CUX1: variants seen among roughly 807,000 people sequenced by gnomAD.
CUX1 encodes protein CASP.
Under a neutral mutation model 158.8 loss-of-function variants are expected in CUX1, and 31 were observed. That is an observed-to-expected ratio of 0.20 (90% confidence interval 0.15 to 0.26). The LOEUF is 0.26. CUX1 is among the 10% of genes least tolerant of loss of function. The pLI is 1.00. For synonymous variants in CUX1, 879 were observed against 862.1 expected (o/e 1.02, Z -0.34); for missense variants, 1,589 against 2,014.6 (o/e 0.79, Z 4.04).
chr7:102,201,554 A>C lies in CUX1; in HGVS notation c.2257A>C (p.Thr753Pro). The C allele has an allele frequency of 6.2e-7, 1 of 1,614,024 alleles. No homozygotes were observed. Among genetic ancestry groups the C allele is most frequent in the South Asian group, 1.1e-5 (1 of 91,074 alleles). The change falls in exon 18 of 24, where the codon ACC becomes CCC. Residue 753 changes from threonine (T) to proline (P), a missense_variant. Physicochemically the swap from Thr to Pro is conservative, Grantham distance 38 (BLOSUM62 -1). Around this residue, in one of 8 missense-constraint regions of CUX1, gnomAD observed 337 missense variants for 409.3 expected, o/e 0.82. Coordinates refer to ENST00000292535, the MANE Select transcript of CUX1 (RefSeq NM_181552.4). The surrounding 1 kb of genome is among the most constrained non-coding windows in gnomAD (Gnocchi z 5.0). The stretch of plus-strand genomic sequence containing the variant: ...GCTTCTGTCCACCTCGCCCATGCCC[A>C]CCGTGTCCAGCTACCCACCTCTCGC... ...PKLLSTSPMP[T>P]VSSYPPLAIS...
intron 8 of CUX1, chr7:102,154,385 G>GGATCGC (rs1836016571): frequency 6.6e-6 from 1 of 152,214 alleles, no homozygotes; most frequent in Non-Finnish European, 1.5e-5. Context: ...TGAGGTGGGA[G>GGATCGC]GATCGCTTGA....
chr7:101,838,540 G>A (rs773685918), intron 1 of CUX1, among the ~76,000 whole-genome samples: 2 of 151,202 alleles, frequency 1.3e-5, no homozygotes, highest in Admixed American at 6.6e-5. Context: ...GGTAGCTCAC[G>A]CCTGTTATCC....
At chr7:102,038,457 G>C (rs1196245133) in intron 3 of CUX1, among the ~76,000 whole-genome samples, 1 of 152,202 alleles carries the variant, frequency 6.6e-6, no homozygotes, top group Non-Finnish European at 1.5e-5. Flanking sequence ...ATGAAAAGAT[G>C]TCTAGGTTGC....
intron 1 of CUX1, among the ~76,000 whole-genome samples, chr7:101,906,773 G>A (rs1485788755): frequency 3.3e-5 from 5 of 152,084 alleles, no homozygotes; most frequent in East Asian, 1.9e-4. Context: ...TCCTCATTGC[G>A]AGCCTAGGCC....
intron 19 of CUX1, 124 bp downstream of exon 19, chr7:102,204,680 A>G (rs1372201876): frequency 3.9e-6 from 5 of 1,270,132 alleles, no homozygotes; most frequent in South Asian, 1.5e-5. Flanking sequence ...GGCCAACCAC[A>G]CTCCCCACCG....
chr7:102,029,682 T>C (rs1375776158), intron 3 of CUX1, among the ~76,000 whole-genome samples: 4 of 152,192 alleles, frequency 2.6e-5, no homozygotes. Context: ...TATGATCTTC[T>C]TCCTGCCTCA....
At chr7:101,953,244 G>C (rs1809329693) in intron 2 of CUX1, among the ~76,000 whole-genome samples, 2 of 152,182 alleles carry the variant, frequency 1.3e-5, no homozygotes, top group Non-Finnish European at 2.9e-5. Context: ...GAAGGAAAAG[G>C]AAATTTTATT....
chr7:102,179,296 C>T (rs1734614), intron 11 of CUX1, among the ~76,000 whole-genome samples: 10,111 of 152,300 alleles, frequency 0.066, 393 homozygotes, highest in African/African-American at 0.084. Context: ...GATCTGTCCA[C>T]CTCAGGTTGC....
chr7:101,935,329 C>T (rs879684987), intron 2 of CUX1, among the ~76,000 whole-genome samples: 3 of 152,180 alleles, frequency 2.0e-5, no homozygotes, highest in African/African-American at 7.2e-5. Context: ...TTTCTCCCTT[C>T]GCTGACTCTC....
At chr7:102,079,908 C>T (rs1827170277) in intron 4 of CUX1, among the ~76,000 whole-genome samples, 1 of 152,046 alleles carries the variant, frequency 6.6e-6, no homozygotes, top group Non-Finnish European at 1.5e-5. Context: ...TATGCTCTGT[C>T]CCAGTTACAC....
At chr7:102,233,624 T>TAA in intron 21 of CUX1, among the ~76,000 whole-genome samples, 1 of 152,176 alleles carries the variant, frequency 6.6e-6, no homozygotes, top group South Asian at 2.1e-4. Flanking sequence ...CCGTCTCTAC[T>TAA]AAAAATACAA....
At chr7:102,194,066 T>TC in intron 13 of CUX1, 176 bp downstream of exon 13, 1 of 691,972 alleles carries the variant, frequency 1.4e-6, no homozygotes, top group Middle Eastern at 4.2e-4. Context: ...TTTTTTTGTC[T>TC]CCTTTTTTTC....
chr7:101,920,402 G>A (rs1345879866), intron 2 of CUX1, among the ~76,000 whole-genome samples: 1 of 152,034 alleles, frequency 6.6e-6, no homozygotes, highest in East Asian at 1.9e-4. Flanking sequence ...GATTACAGGT[G>A]TAAGCCACCG....
intron 8 of CUX1, among the ~76,000 whole-genome samples, chr7:102,128,965 C>A (rs1198817993): frequency 2.0e-5 from 3 of 151,120 alleles, no homozygotes; most frequent in Non-Finnish European, 4.4e-5. Context: ...GCAACAGAGA[C>A]TCTGTTTCAA....
At chr7:102,159,022 A>G (rs921434276) in intron 9 of CUX1, among the ~76,000 whole-genome samples, 1 of 147,588 alleles carries the variant, frequency 6.8e-6, no homozygotes, top group Non-Finnish European at 1.5e-5. Flanking sequence ...TCCTTAGTGT[A>G]GACATCTCAC....
In CUX1 at chr7:102,195,166, C is replaced by T. The variant is rs187532129; in HGVS notation, c.1126-341C>T. Among the ~76,000 whole-genome samples, 61 of 150,234 alleles carry T rather than the reference C, an allele frequency of 4.1e-4. 1 individual carries two copies. The highest frequency in any genetic ancestry group is 1.2e-3 in the African/African-American group (47 of 40,800). ...CCCTTTACAGTAACGTTCGGACAGA[C>T]GTTTGTGGCTTGGCAGCCAGTCTTA... On this transcript the variant is annotated intron_variant, in intron 13 of 23. Transcript: ENST00000292535.
At chr7:101,926,434 A>G (rs1376437304) in intron 2 of CUX1, among the ~76,000 whole-genome samples, 1 of 152,068 alleles carries the variant, frequency 6.6e-6, no homozygotes, top group Non-Finnish European at 1.5e-5. Context: ...CCTACATCCC[A>G]GCAAGACTTT....
chr7:102,263,002 A>G (rs571565414), downstream of CUX1, among the ~76,000 whole-genome samples: 1 of 134,312 alleles, frequency 7.4e-6, no homozygotes, highest in East Asian at 2.3e-4. Context: ...GCAAGTGAAA[A>G]GGGTTAAACT....
chr7:101,867,605 C>G (rs1584814394), intron 1 of CUX1, among the ~76,000 whole-genome samples: 1 of 152,222 alleles, frequency 6.6e-6, no homozygotes, highest in African/African-American at 2.4e-5. Flanking sequence ...ATCCAAAGTG[C>G]CCTCTGAAGG....
Sources: allele counts gnomAD v4.1 joint callset (sites outside exome capture counted in the v4.1 genomes callset), GRCh38; gene constraint gnomAD v4.1.1; regional missense constraint gnomAD v4.1.1; non-coding constraint Gnocchi (gnomAD v3.1); transcripts MANE v1.5; gene names NCBI Gene and HGNC (gene_info 2026-07-23, HGNC 2026-07-21).